TMEM39A: variants seen among roughly 807,000 people sequenced by gnomAD.
TMEM39A encodes suppressor of SQST-1 aggregates in rpl-43 mutants.
A neutral mutation model predicts 51.9 loss-of-function variants in TMEM39A; 19 were observed. That is an observed-to-expected ratio of 0.37 (90% CI 0.26 to 0.54). The LOEUF (loss-of-function observed/expected upper bound fraction) is 0.54, where lower values mean the gene tolerates loss of function less well. TMEM39A is among the 20% of genes least tolerant of loss of function. The probability of loss-of-function intolerance (pLI) is 0.88; values close to 1 mark genes in which losing one functional copy is unlikely to be tolerated. For missense variants in TMEM39A, 433 were observed against 590.5 expected, an observed-to-expected ratio of 0.73 and a Z score of 2.76; for synonymous variants, 197 against 220.2, an observed-to-expected ratio of 0.89 and a Z score of 0.93.
chr3:119,463,379 G>A lies in TMEM39A; in HGVS notation c.-118C>T. The A allele has an allele frequency of 2.6e-6, 1 of 388,970 alleles. No homozygotes were observed. The highest frequency in any genetic ancestry group is 4.5e-6 in the Non-Finnish European group (1 of 220,608). 24.1% of individuals were successfully genotyped at this position (388,970 alleles called of 1,614,324 possible). On this transcript the variant is annotated 5_prime_UTR_variant, in exon 1 of 9. Transcript: ENST00000319172. Reference sequence around the variant, plus strand: ...CGGTGGGGCGGGGTCCCTAGAAAGCGGCGACAACTTTACAGACTGGACCCC... The same window carrying A: ...CGGTGGGGCGGGGTCCCTAGAAAGCAGCGACAACTTTACAGACTGGACCCC...
At chr3:119,441,527 G>T (rs529793277) in intron 5 of TMEM39A, among the ~76,000 whole-genome samples, 4 of 152,164 alleles carry the variant, frequency 2.6e-5, no homozygotes, top group Non-Finnish European at 1.5e-5. Flanking sequence ...CCTCCAGAGA[G>T]GTGAGAAAGC....
At chr3:119,446,724 T>C (rs962318210) in intron 5 of TMEM39A, 3 of 263,738 alleles carry the variant, frequency 1.1e-5, no homozygotes, top group South Asian at 7.3e-5. Flanking sequence ...TACCCAAATA[T>C]AGATAGCAAG....
At chr3:119,449,541 G>A (rs565281650) in intron 4 of TMEM39A, among the ~76,000 whole-genome samples, 3 of 152,194 alleles carry the variant, frequency 2.0e-5, no homozygotes, top group South Asian at 2.1e-4. Flanking sequence ...CAGGAGAATC[G>A]CTTGAACCAA....
At chr3:119,440,486 A>T (rs1252446171) in intron 5 of TMEM39A, among the ~76,000 whole-genome samples, 1 of 147,528 alleles carries the variant, frequency 6.8e-6, no homozygotes, top group Non-Finnish European at 1.5e-5. Flanking sequence ...AAGGTTGATA[A>T]TGCAATAGTA....
In TMEM39A at chr3:119,452,535, A is replaced by C. The variant is rs1365127339; in HGVS notation, c.337-5T>G. On this transcript the variant is annotated splice_region_variant and splice_polypyrimidine_tract_variant and intron_variant, in intron 3 of 8. Coordinates refer to ENST00000319172, the MANE Select transcript of TMEM39A (RefSeq NM_018266.3). ...ATAATCAATGAGATGAAAATTCTACAACAGAAATAAATAACTACATCAGAA... is the reference window on the plus strand; with the variant it reads ...ATAATCAATGAGATGAAAATTCTACCACAGAAATAAATAACTACATCAGAA... 1 of 1,609,854 alleles carries C rather than the reference A, an allele frequency of 6.2e-7. No homozygotes were observed. The highest frequency in any genetic ancestry group is 1.1e-5 in the South Asian group (1 of 90,818).
intron 4 of TMEM39A, 89 bp from the exon 5 acceptor site, chr3:119,447,261 T>C: frequency 3.7e-6 from 5 of 1,335,766 alleles, no homozygotes; most frequent in Non-Finnish European, 5.1e-6. Flanking sequence ...ATAGGTTTAG[T>C]GGAAGCTAAA....
chr3:119,444,341 T>C (rs2081095475), intron 5 of TMEM39A, among the ~76,000 whole-genome samples: 1 of 152,238 alleles, frequency 6.6e-6, no homozygotes, highest in Admixed American at 6.5e-5. Context: ...GGCTGAAATA[T>C]TAATCTATAA....
At chr3:119,444,347 T>A (rs2081095595) in intron 5 of TMEM39A, among the ~76,000 whole-genome samples, 1 of 152,196 alleles carries the variant, frequency 6.6e-6, no homozygotes, top group Non-Finnish European at 1.5e-5. Flanking sequence ...AATATTAATC[T>A]ATAAATATAG....
At chr3:119,438,314 T>TAATA (rs1269900273) in intron 5 of TMEM39A, among the ~76,000 whole-genome samples, 4 of 152,230 alleles carry the variant, frequency 2.6e-5, no homozygotes, top group Non-Finnish European at 5.9e-5. Flanking sequence ...TCATTGTAGA[T>TAATA]TATTAAGAAC....
intron 5 of TMEM39A, among the ~76,000 whole-genome samples, chr3:119,439,675 T>C (rs1338666466): frequency 1.3e-5 from 2 of 152,156 alleles, no homozygotes; most frequent in Admixed American, 1.3e-4. Flanking sequence ...AGAACTGATG[T>C]TACTAATTAA....
intron 3 of TMEM39A, among the ~76,000 whole-genome samples, chr3:119,455,340 C>A (rs1338147600): frequency 2.0e-5 from 3 of 152,202 alleles, no homozygotes; most frequent in African/African-American, 7.2e-5. Flanking sequence ...TTTGCTATTT[C>A]ACATGTTACT....
chr3:119,431,788 G>T lies in TMEM39A; in HGVS notation c.*193C>A. 1 of 432,626 alleles carries T rather than the reference G, an allele frequency of 2.3e-6. No individual in the cohort carries two copies. Among genetic ancestry groups the T allele is most frequent in the Non-Finnish European group, 4.1e-6 (1 of 245,686 alleles). The allele number at this position is 432,626 out of a possible 1,614,324, so 26.8% of individuals were successfully genotyped here. On this transcript the variant is annotated 3_prime_UTR_variant, in exon 9 of 9. Coordinates refer to ENST00000319172, the MANE Select transcript of TMEM39A (RefSeq NM_018266.3). ...CATACCTCTCATATGTATATTATTC[G>T]AATATACTAACACATGAAAGATCAC...
At chr3:119,441,905 C>T (rs1340233035) in intron 5 of TMEM39A, among the ~76,000 whole-genome samples, 1 of 152,218 alleles carries the variant, frequency 6.6e-6, no homozygotes, top group African/African-American at 2.4e-5. Flanking sequence ...ATCCTACCAT[C>T]CTTAAGAATT....
At chr3:119,457,549 T>C (rs1425270721) in intron 3 of TMEM39A, among the ~76,000 whole-genome samples, 2 of 152,214 alleles carry the variant, frequency 1.3e-5, no homozygotes, top group African/African-American at 2.4e-5. Flanking sequence ...ACAGCCACCT[T>C]GGAGGTCACA....
At chr3:119,444,195 C>G (rs71325378) in intron 5 of TMEM39A, among the ~76,000 whole-genome samples, 22,086 of 152,090 alleles carry the variant, frequency 0.15, 2,013 homozygotes, top group Admixed American at 0.2. Flanking sequence ...GCTAGCCATC[C>G]TGATAATAGT....
At position 119,463,565 on chromosome 3, in the gene TMEM39A, C is replaced by G. The variant is rs1206368791; in HGVS notation, c.-304G>C. The G allele has an allele frequency of 2.5e-6, 1 of 398,738 alleles. No individual in the cohort carries two copies. The highest frequency in any genetic ancestry group is 4.4e-6 in the Non-Finnish European group (1 of 226,234). The allele number at this position is 398,738 out of a possible 1,614,324, so 24.7% of individuals were successfully genotyped here. A position where few individuals can be genotyped will look rare whatever the true frequency, so the allele number is the denominator to read the frequency against. On this transcript the variant is annotated 5_prime_UTR_variant, in exon 1 of 9. Coordinates refer to ENST00000319172, the MANE Select transcript of TMEM39A (RefSeq NM_018266.3). ...CCAGTGCCAGAGCTAAAGCTAGAGC[C>G]AGAGCCTGATACTTCAGCACCCATC...
intron 8 of TMEM39A, among the ~76,000 whole-genome samples, chr3:119,433,348 A>T (rs1021109330): frequency 6.6e-6 from 1 of 152,184 alleles, no homozygotes; most frequent in Non-Finnish European, 1.5e-5. Context: ...GGGATCATCC[A>T]GAGATTCTGG....
At chr3:119,432,375 T>C (rs1482842207) in intron 8 of TMEM39A, among the ~76,000 whole-genome samples, 161 bp from the exon 9 acceptor site, 2 of 152,156 alleles carry the variant, frequency 1.3e-5, no homozygotes, top group African/African-American at 4.8e-5. Context: ...TTTCTTGCTA[T>C]AAAGATTGAA....
chr3:119,438,306 A>G (rs920369746), intron 5 of TMEM39A, among the ~76,000 whole-genome samples: 1 of 152,232 alleles, frequency 6.6e-6, no homozygotes, highest in Non-Finnish European at 1.5e-5. Context: ...GTGCACATTC[A>G]TTGTAGATTA....
Sources: gnomAD v4.1 joint callset for allele counts (sites outside exome capture counted in the v4.1 genomes callset) on GRCh38, gnomAD v4.1.1 for gene constraint, MANE v1.5 for transcripts, NCBI Gene and HGNC (gene_info 2026-07-23, HGNC 2026-07-21) for gene names.